The following KIAA1217 variants were observed in gnomAD, a reference collection of about 807,000 sequenced individuals.
KIAA1217 encodes the protein sickle tail protein homolog.
In KIAA1217, 88 loss-of-function variants were observed where a neutral mutation model predicts 163.9. The ratio of observed to expected loss-of-function variants is 0.54; its 90% CI spans 0.45 to 0.64. The LOEUF (loss-of-function observed/expected upper bound fraction) is 0.64, where lower values mean the gene tolerates loss of function less well. KIAA1217 is among the 30% of genes least tolerant of loss of function. The pLI, the probability that KIAA1217 is intolerant of heterozygous loss-of-function variation, is 0.00. For synonymous variants in KIAA1217, 903 were observed against 923.1 expected (o/e 0.98, Z 0.39); for missense variants, 2,372 against 2,475.0 (o/e 0.96, Z 0.88).
Position 24,480,833 on chromosome 10 carries a change from G to C in KIAA1217, c.1679+6773G>C, listed in dbSNP as rs370014667. ...ATGTGAACACAGAATAGAATGAGCT[G>C]GGCTTACAGATCCAAATTAGAATGT... On this transcript the variant is annotated intron_variant, in intron 6 of 20. Transcript: ENST00000376454. Among the ~76,000 whole-genome samples, 124 of 152,268 alleles carry C rather than the reference G, an allele frequency of 8.1e-4. 2 individuals are homozygous for C. The South Asian group carries it at 0.024, about 30-fold the overall frequency.
intron 1 of KIAA1217, among the ~76,000 whole-genome samples, chr10:23,722,505 C>T (rs1394096226): frequency 6.6e-6 from 1 of 152,078 alleles, no homozygotes; most frequent in African/African-American, 2.4e-5. Flanking sequence ...GAGAAAAAAT[C>T]CTTGCCTTTA....
At chr10:24,172,364 T>C (rs1049707163) in intron 2 of KIAA1217, among the ~76,000 whole-genome samples, 1 of 152,210 alleles carries the variant, frequency 6.6e-6, no homozygotes, top group Non-Finnish European at 1.5e-5. Context: ...TAGACTGCTC[T>C]GGGATTCCGA....
intron 1 of KIAA1217, among the ~76,000 whole-genome samples, chr10:23,852,856 C>G (rs1184363744): frequency 2.6e-5 from 4 of 152,126 alleles, no homozygotes; most frequent in Non-Finnish European, 4.4e-5. Flanking sequence ...GATTTTTGTA[C>G]ATTGATTTTG....
chr10:24,335,982 T>C (rs2133694308), intron 2 of KIAA1217, among the ~76,000 whole-genome samples: 1 of 152,386 alleles, frequency 6.6e-6, no homozygotes, highest in South Asian at 2.1e-4. Context: ...GGCTCACGCC[T>C]GTAATCCCAG....
intron 2 of KIAA1217, among the ~76,000 whole-genome samples, chr10:24,197,669 A>G (rs1365575681): frequency 2.0e-5 from 3 of 152,202 alleles, no homozygotes; most frequent in Admixed American, 1.3e-4. Context: ...CCTTCTTTTT[A>G]TCTTTATAAT....
At chr10:24,357,711 G>A (rs2049301128) in intron 2 of KIAA1217, among the ~76,000 whole-genome samples, 1 of 152,160 alleles carries the variant, frequency 6.6e-6, no homozygotes, top group South Asian at 2.1e-4. Context: ...AGTGAAAATT[G>A]TGAAGGGAAA....
chr10:24,175,996 G>A (rs925267879), intron 2 of KIAA1217, among the ~76,000 whole-genome samples: 19 of 152,132 alleles, frequency 1.2e-4, no homozygotes, highest in Admixed American at 9.2e-4. Flanking sequence ...ACTGTGGAAG[G>A]GGACCCAAGC....
At chr10:23,740,036 G>T (rs1839021177) in intron 1 of KIAA1217, among the ~76,000 whole-genome samples, 1 of 148,962 alleles carries the variant, frequency 6.7e-6, no homozygotes, top group Non-Finnish European at 1.5e-5. Context: ...AGATGGGGGG[G>T]TTCCATTTTA....
chr10:24,148,396 A>G (rs940710589), intron 2 of KIAA1217, among the ~76,000 whole-genome samples: 9 of 151,984 alleles, frequency 5.9e-5, no homozygotes, highest in Admixed American at 1.3e-4. Context: ...TTGATATGGT[A>G]TGAATGTTTG....
chr10:23,781,305 A>T (rs1346591543), intron 1 of KIAA1217, among the ~76,000 whole-genome samples: 1 of 152,102 alleles, frequency 6.6e-6, no homozygotes, highest in African/African-American at 2.4e-5. Context: ...TAATAGCCAT[A>T]CTAATAAGTG....
At chr10:23,778,863 G>C (rs1835124079) in intron 1 of KIAA1217, among the ~76,000 whole-genome samples, 1 of 152,116 alleles carries the variant, frequency 6.6e-6, no homozygotes, top group Admixed American at 6.6e-5. Context: ...TATATGGTCT[G>C]GCCACAGTCT....
chr10:24,213,355 C>T (rs1182417565), intron 1 of KIAA1217, among the ~76,000 whole-genome samples: 1 of 152,128 alleles, frequency 6.6e-6, no homozygotes, highest in African/African-American at 2.4e-5. Flanking sequence ...TTCCTAAGGT[C>T]TTGAAACCTC....
intron 1 of KIAA1217, among the ~76,000 whole-genome samples, chr10:23,876,506 A>G (rs575995848): frequency 7.6e-6 from 1 of 131,226 alleles, no homozygotes; most frequent in Non-Finnish European, 1.5e-5. Context: ...ACAAAAAATA[A>G]AAAAAAAAGA....
intron 1 of KIAA1217, among the ~76,000 whole-genome samples, chr10:23,861,988 T>C (rs184721995): frequency 6.6e-5 from 10 of 152,284 alleles, no homozygotes; most frequent in South Asian, 2.1e-4. Context: ...AAAACTAATA[T>C]AAGTAGGAAG....
In KIAA1217 at chr10:24,501,367, CT is replaced by C; in HGVS notation, c.1835-8del. ...GTGGCCTTCTGAGTTCTCTGATGCA[CT>C]TTTCTCATAGGAACGCCCCATGTGT... is the stretch of plus-strand genomic sequence containing the variant. On this transcript the variant is annotated splice_polypyrimidine_tract_variant and intron_variant, in intron 8 of 20. Transcript: ENST00000376454. 1 of 1,600,892 alleles carries C rather than the reference CT, an allele frequency of 6.2e-7. No individual in the cohort carries two copies. Among genetic ancestry groups the C allele is most frequent in the Non-Finnish European group, 8.6e-7 (1 of 1,169,538 alleles).
intron 2 of KIAA1217, among the ~76,000 whole-genome samples, chr10:24,100,797 A>G (rs549562841): frequency 2.0e-5 from 3 of 152,072 alleles, no homozygotes; most frequent in South Asian, 2.1e-4. Context: ...TTGCTTTTCT[A>G]TTTTCTTCCT....
chr10:24,022,611 A>G (rs1392796539), intron 2 of KIAA1217, among the ~76,000 whole-genome samples: 1 of 151,742 alleles, frequency 6.6e-6, no homozygotes, highest in Non-Finnish European at 1.5e-5. Flanking sequence ...ATTCCCAGGT[A>G]TTTATCCAAA....
rs529039036 is a variant in KIAA1217 at position 24,405,820 on chromosome 10, T to C, written c.553+24753T>C. Among the ~76,000 whole-genome samples the C allele has an allele frequency of 1.3e-4, 20 of 152,312 alleles. No individual in the cohort carries two copies. In the South Asian group the frequency reaches 3.7e-3, roughly 28 times the overall value. The stretch of plus-strand genomic sequence containing the variant: ...TAAAGTCAATATTTGAACCCAGGGC[T>C]CTCTATCTCCTAAGCATATGTGCTT... On this transcript the variant is annotated intron_variant, in intron 3 of 20. Transcript: ENST00000376454.
At chr10:23,810,550 A>C (rs1198641998) in intron 1 of KIAA1217, among the ~76,000 whole-genome samples, 1 of 134,694 alleles carries the variant, frequency 7.4e-6, no homozygotes, top group Non-Finnish European at 1.5e-5. Context: ...AGTATAATCT[A>C]TATATAGTAT....
Sources: gnomAD v4.1 joint callset for allele counts (sites outside exome capture counted in the v4.1 genomes callset) on GRCh38, gnomAD v4.1.1 for gene constraint, MANE v1.5 for transcripts, NCBI Gene and HGNC (gene_info 2026-07-23, HGNC 2026-07-21) for gene names.